ANO4: variants seen among roughly 807,000 people sequenced by gnomAD.
The protein encoded by ANO4 is anoctamin 4, also known as anoctamin-4.
ANO4 carries 69 observed loss-of-function variants against 141.9 expected under a neutral mutation model. The observed-to-expected ratio is 0.49, with a 90% CI of 0.40 to 0.59. The LOEUF (loss-of-function observed/expected upper bound fraction) is 0.59, where lower values mean the gene tolerates loss of function less well. Ranked by LOEUF, ANO4 falls within the 20% of genes least tolerant of loss-of-function variation. ANO4 has a pLI of 0.00. For synonymous variants in ANO4, 350 were observed against 394.3 expected (o/e 0.89, Z 1.33); for missense variants, 894 against 1,162.2 (o/e 0.77, Z 3.36).
intron 1 of ANO4, among the ~76,000 whole-genome samples, chr12:100,835,419 G>A (rs1243527933): frequency 6.6e-6 from 1 of 152,082 alleles, no homozygotes; most frequent in Non-Finnish European, 1.5e-5. Context: ...GCCACAGACG[G>A]TTGAAGAGCC....
At chr12:100,746,451 A>G (rs1438682718) in intron 3 of ANO4, among the ~76,000 whole-genome samples, 1 of 151,972 alleles carries the variant, frequency 6.6e-6, no homozygotes, top group African/African-American at 2.4e-5. Context: ...AGACTCTGTT[A>G]TTAAAAAGAA....
intron 7 of ANO4, among the ~76,000 whole-genome samples, chr12:100,979,349 G>C (rs1313994182): frequency 2.0e-5 from 3 of 152,152 alleles, no homozygotes; most frequent in African/African-American, 7.2e-5. Context: ...CGCATCCCCA[G>C]TGTGTCTGAT....
At chr12:101,092,290 C>T (rs1225077665) in intron 17 of ANO4, among the ~76,000 whole-genome samples, 1 of 151,842 alleles carries the variant, frequency 6.6e-6, no homozygotes, top group Non-Finnish European at 1.5e-5. Flanking sequence ...ATTTATTGAT[C>T]AGCCTGGCAA....
intron 22 of ANO4, among the ~76,000 whole-genome samples, chr12:101,106,952 C>T (rs1264586080): frequency 6.7e-6 from 1 of 150,350 alleles, no homozygotes; most frequent in Non-Finnish European, 1.5e-5. Context: ...ATGTGGGTCA[C>T]CTTTGTGCTA....
intron 1 of ANO4, among the ~76,000 whole-genome samples, chr12:100,803,434 C>T (rs969774785): frequency 6.6e-6 from 1 of 152,152 alleles, no homozygotes; most frequent in Non-Finnish European, 1.5e-5. Context: ...TCTGAGTGAG[C>T]TGGTTAGTGG....
intron 1 of ANO4, among the ~76,000 whole-genome samples, chr12:100,891,966 G>A (rs1192121681): frequency 1.3e-5 from 2 of 152,152 alleles, no homozygotes; most frequent in Non-Finnish European, 2.9e-5. Flanking sequence ...GTACTTATGA[G>A]TTCAAAATTC....
intron 4 of ANO4, among the ~76,000 whole-genome samples, chr12:100,940,357 C>T (rs2042461524): frequency 2.6e-5 from 4 of 152,160 alleles, no homozygotes. Flanking sequence ...GATGAGGAAA[C>T]AGTATCAGAA....
rs145240421 is a variant in ANO4 at position 100,745,598 on chromosome 12, C to A, written c.358+5493C>A. On this transcript the variant is annotated intron_variant, in intron 3 of 29. Transcript: ENST00000644049. ...CTGGAAGATAGAGCTGAAGAAATTACCCCATTATCAGTACAGAGATATATG... is the reference window on the plus strand; with the variant it reads ...CTGGAAGATAGAGCTGAAGAAATTAACCCATTATCAGTACAGAGATATATG... Among the ~76,000 whole-genome samples, 790 of 152,140 alleles carry A rather than the reference C, an allele frequency of 5.2e-3. 5 individuals carry two copies. Among genetic ancestry groups the A allele is most frequent in the Middle Eastern group, 0.014 (4 of 294 alleles).
chr12:100,881,449 T>C (rs1247946087), intron 1 of ANO4, among the ~76,000 whole-genome samples: 1 of 150,536 alleles, frequency 6.6e-6, no homozygotes, highest in Non-Finnish European at 1.5e-5. Flanking sequence ...AAAAAGAATA[T>C]GCTCCAAGCA....
At chr12:101,021,324 C>A (rs1311647323) in intron 9 of ANO4, among the ~76,000 whole-genome samples, 3 of 152,212 alleles carry the variant, frequency 2.0e-5, no homozygotes, top group Non-Finnish European at 2.9e-5. Flanking sequence ...CCACCACGCA[C>A]TGCAGGAGCT....
At chr12:101,015,561 T>C (rs745533101) in intron 8 of ANO4, among the ~76,000 whole-genome samples, 58 of 152,218 alleles carry the variant, frequency 3.8e-4, no homozygotes, top group Non-Finnish European at 7.1e-4. Flanking sequence ...ACCCATGCCA[T>C]AATGAACATT....
chr12:100,874,905 G>A (rs1376578243), intron 1 of ANO4, among the ~76,000 whole-genome samples: 3 of 152,080 alleles, frequency 2.0e-5, no homozygotes, highest in Non-Finnish European at 4.4e-5. Flanking sequence ...TTTTGATTGG[G>A]TGTATTTCCC....
rs537176266 is a variant in ANO4 at position 101,087,435 on chromosome 12, G to A, written c.1701+611G>A. 1.3e-3 allele frequency among the ~76,000 whole-genome samples: 191 copies of A among 152,126 alleles called. 2 individuals carry two copies. Among genetic ancestry groups the A allele is most frequent in the Admixed American group, 2.7e-3 (41 of 15,266 alleles). ...TGCTTTGTGGGGCTGAGGTGGGAAGGTCACTTGGTTCAGGAAAGTGAAGGC... is the reference window on the plus strand; with the variant it reads ...TGCTTTGTGGGGCTGAGGTGGGAAGATCACTTGGTTCAGGAAAGTGAAGGC... On this transcript the variant is annotated intron_variant, in intron 17 of 27. Transcript: ENST00000392977.
chr12:100,778,236 T>G (rs916837199), intron 3 of ANO4, among the ~76,000 whole-genome samples: 2 of 152,186 alleles, frequency 1.3e-5, no homozygotes, highest in African/African-American at 4.8e-5. Flanking sequence ...CTTAAAATTT[T>G]TGAAACATCA....
At chr12:101,014,856 G>A in intron 8 of ANO4, among the ~76,000 whole-genome samples, 1 of 152,026 alleles carries the variant, frequency 6.6e-6, no homozygotes, top group Non-Finnish European at 1.5e-5. Flanking sequence ...TTTTTAAGAG[G>A]CAGAATCTCA....
intron 1 of ANO4, among the ~76,000 whole-genome samples, chr12:100,729,360 C>CCA (rs1555210762): frequency 8.9e-5 from 2 of 22,576 alleles, no homozygotes; most frequent in East Asian, 4.3e-3. Flanking sequence ...AACTCTGTCT[C>CCA]AAAAAAAAAA....
intron 1 of ANO4, among the ~76,000 whole-genome samples, chr12:100,837,263 A>G (rs2036975936): frequency 6.6e-6 from 1 of 151,532 alleles, no homozygotes; most frequent in Non-Finnish European, 1.5e-5. Flanking sequence ...ATTTAATCCT[A>G]CAACAACCAT....
At chr12:100,863,329 C>T (rs1057418895) in intron 1 of ANO4, among the ~76,000 whole-genome samples, 3 of 152,170 alleles carry the variant, frequency 2.0e-5, no homozygotes, top group Non-Finnish European at 2.9e-5. Flanking sequence ...GTCACCAGAA[C>T]AGAAAAAGGG....
At chr12:100,931,278 C>G (rs1192484673) in intron 3 of ANO4, among the ~76,000 whole-genome samples, 1 of 152,098 alleles carries the variant, frequency 6.6e-6, no homozygotes, top group Non-Finnish European at 1.5e-5. Context: ...AATAATGGAT[C>G]TATTTGTTAA....
Sources: gnomAD v4.1 joint callset for allele counts (sites outside exome capture counted in the v4.1 genomes callset) on GRCh38, gnomAD v4.1.1 for gene constraint, MANE v1.5 for transcripts, NCBI Gene and HGNC (gene_info 2026-07-23, HGNC 2026-07-21) for gene names.